The following CDH12 variants were observed in gnomAD, a reference collection of about 807,000 sequenced individuals.
CDH12 encodes cadherin-12.
In CDH12, 41 loss-of-function variants were observed where a neutral mutation model predicts 74.1. The ratio of observed to expected loss-of-function variants is 0.55; its 90% CI spans 0.43 to 0.72. CDH12 has a LOEUF of 0.72. CDH12 is among the 30% of genes least tolerant of loss of function. CDH12 has a pLI of 0.00. For synonymous variants in CDH12, 399 were observed against 355.0 expected, an observed-to-expected ratio of 1.12 and a Z score of -1.39; for missense variants, 945 against 977.2, an observed-to-expected ratio of 0.97 and a Z score of 0.44.
chr5:22,682,576 G>T (rs1039787606), intron 1 of CDH12, among the ~76,000 whole-genome samples: 1 of 151,988 alleles, frequency 6.6e-6, no homozygotes, highest in Non-Finnish European at 1.5e-5. Context: ...ATAGGAACTA[G>T]TTATCTTTTG....
chr5:22,480,178 G>C (rs140718786), intron 2 of CDH12, among the ~76,000 whole-genome samples: 1 of 152,036 alleles, frequency 6.6e-6, no homozygotes, highest in African/African-American at 2.4e-5. Flanking sequence ...TTTTGCTGTT[G>C]TTGCCTCCCT....
intron 3 of CDH12, among the ~76,000 whole-genome samples, chr5:22,307,525 G>T (rs1015837296): frequency 1.3e-5 from 2 of 152,056 alleles, no homozygotes; most frequent in African/African-American, 4.8e-5. Flanking sequence ...ACAGTATCAT[G>T]CCTGACAAAT....
At chr5:22,675,380 A>C (rs9293029) in intron 1 of CDH12, among the ~76,000 whole-genome samples, 102,203 of 151,930 alleles carry the variant, frequency 0.67, 34,606 homozygotes, top group Admixed American at 0.73. Flanking sequence ...GTTTGGGAAC[A>C]TCTGCCTAGA....
intron 1 of CDH12, among the ~76,000 whole-genome samples, chr5:22,809,967 G>T (rs1247496848): frequency 6.6e-6 from 1 of 152,078 alleles, no homozygotes; most frequent in Non-Finnish European, 1.5e-5. Context: ...TTACACCATT[G>T]TATTTTAGTA....
intron 2 of CDH12, among the ~76,000 whole-genome samples, chr5:22,421,897 G>A (rs982996928): frequency 6.6e-6 from 1 of 152,128 alleles, no homozygotes; most frequent in Non-Finnish European, 1.5e-5. Context: ...GTGTGAGAAG[G>A]TATCTCATTT....
chr5:22,352,681 T>C (rs915285438), intron 3 of CDH12, among the ~76,000 whole-genome samples: 4 of 152,348 alleles, frequency 2.6e-5, no homozygotes, highest in African/African-American at 9.6e-5. Flanking sequence ...GTTTGCCATC[T>C]GCTTCTCTGT....
chr5:21,843,552 T>C (rs1355175459), intron 7 of CDH12, among the ~76,000 whole-genome samples: 2 of 152,006 alleles, frequency 1.3e-5, no homozygotes, highest in African/African-American at 4.8e-5. Flanking sequence ...TTCTCTCTTG[T>C]TGCCCAGGCT....
At chr5:22,418,287 C>T (rs564206006) in intron 2 of CDH12, among the ~76,000 whole-genome samples, 1 of 152,150 alleles carries the variant, frequency 6.6e-6, no homozygotes, top group African/African-American at 2.4e-5. Context: ...GATTTTTGCA[C>T]ATTGATTTTG....
At chr5:22,640,238 C>A (rs574946420) in intron 1 of CDH12, among the ~76,000 whole-genome samples, 1 of 152,080 alleles carries the variant, frequency 6.6e-6, no homozygotes, top group Admixed American at 6.6e-5. Context: ...TTGAGAGAGA[C>A]GATATTACTT....
intron 1 of CDH12, among the ~76,000 whole-genome samples, chr5:22,628,718 A>G (rs1423434236): frequency 1.3e-5 from 2 of 152,158 alleles, no homozygotes; most frequent in Non-Finnish European, 2.9e-5. Flanking sequence ...CCAATGTCAA[A>G]GCTAGCAGAG....
chr5:22,436,159 A>G (rs552818606), intron 2 of CDH12, among the ~76,000 whole-genome samples: 1 of 150,820 alleles, frequency 6.6e-6, no homozygotes, highest in East Asian at 2.0e-4. Context: ...TCAGCAAACT[A>G]TCGCAAGGAC....
chr5:21,820,291 G>C (rs889122591), intron 8 of CDH12, among the ~76,000 whole-genome samples: 1 of 151,902 alleles, frequency 6.6e-6, no homozygotes, highest in African/African-American at 2.4e-5. Context: ...GTTAAATAGG[G>C]TGTTTTGTTT....
intron 13 of CDH12, 54 bp downstream of exon 13, chr5:21,760,504 G>A: frequency 2.4e-6 from 2 of 837,874 alleles, no homozygotes. Flanking sequence ...CTCCCTTTGT[G>A]CCTTTTTACA....
chr5:22,054,456 T>C (rs6452045), intron 5 of CDH12, among the ~76,000 whole-genome samples: 47,734 of 151,872 alleles, frequency 0.31, 8,996 homozygotes, highest in African/African-American at 0.54. Flanking sequence ...TACCTTTGGG[T>C]CAGGCTTTTT....
intron 7 of CDH12, among the ~76,000 whole-genome samples, chr5:21,854,371 T>C (rs1331841641): frequency 2.0e-5 from 3 of 151,720 alleles, no homozygotes; most frequent in Admixed American, 6.6e-5. Flanking sequence ...AAAGCTATTA[T>C]AGCTGGAAGA....
At chr5:21,919,682 T>G (rs1170132366) in intron 6 of CDH12, among the ~76,000 whole-genome samples, 1 of 152,198 alleles carries the variant, frequency 6.6e-6, no homozygotes, top group African/African-American at 2.4e-5. Flanking sequence ...AGAAACGGAC[T>G]GATAAATACA....
intron 2 of CDH12, among the ~76,000 whole-genome samples, chr5:22,456,456 C>T (rs770155118): frequency 1.4e-4 from 22 of 152,036 alleles, no homozygotes; most frequent in South Asian, 6.2e-4. Context: ...ATATTAAACA[C>T]ATATTTAACA....
intron 3 of CDH12, among the ~76,000 whole-genome samples, chr5:22,239,304 A>G (rs568814377): frequency 1.3e-5 from 2 of 152,266 alleles, no homozygotes; most frequent in Non-Finnish European, 2.9e-5. Context: ...TCAAGAACCA[A>G]TGGTTCTCCA....
chr5:22,456,970 A>C (rs953851001), intron 2 of CDH12, among the ~76,000 whole-genome samples: 9 of 152,196 alleles, frequency 5.9e-5, no homozygotes, highest in Admixed American at 5.9e-4. Flanking sequence ...AGTGCAGTAA[A>C]AGTGATTTTT....
Sources: allele counts gnomAD v4.1 joint callset (sites outside exome capture counted in the v4.1 genomes callset), GRCh38; gene constraint gnomAD v4.1.1; transcripts MANE v1.5; gene names NCBI Gene and HGNC (gene_info 2026-07-23, HGNC 2026-07-21).